NR1H4: variants seen among roughly 807,000 people sequenced by gnomAD.
The protein encoded by NR1H4 is bile acid receptor.
In NR1H4, 23 loss-of-function variants were observed where a neutral mutation model predicts 58.5. That is an observed-to-expected ratio of 0.39 (90% CI 0.28 to 0.56). The LOEUF (loss-of-function observed/expected upper bound fraction) is 0.56. Ranked by LOEUF, NR1H4 falls within the 20% of genes least tolerant of loss-of-function variation. The pLI is 0.58. For missense variants in NR1H4, 487 were observed against 576.9 expected, an observed-to-expected ratio of 0.84 and a Z score of 1.60; for synonymous variants, 214 against 198.0, an observed-to-expected ratio of 1.08 and a Z score of -0.68.
At chr12:100,534,118 G>A (rs1013518371) in intron 5 of NR1H4, among the ~76,000 whole-genome samples, 12 of 150,952 alleles carry the variant, frequency 7.9e-5, no homozygotes, top group African/African-American at 2.2e-4. Flanking sequence ...GGATGGTCTC[G>A]ATCTCCTGAC....
chr12:100,529,676 A>C (rs902981590), intron 4 of NR1H4, among the ~76,000 whole-genome samples: 2 of 152,108 alleles, frequency 1.3e-5, no homozygotes, highest in African/African-American at 4.8e-5. Flanking sequence ...CCATGTTTCT[A>C]AAACCTTACT....
chr12:100,477,318 TA>T (rs1280279667), intron 1 of NR1H4, among the ~76,000 whole-genome samples: 18 of 152,148 alleles, frequency 1.2e-4, no homozygotes, highest in Non-Finnish European at 2.4e-4. Context: ...TTAAGAAATA[TA>T]ACAGGGTTCT....
chr12:100,504,885 C>G (rs1232739973), intron 3 of NR1H4, among the ~76,000 whole-genome samples: 1 of 152,090 alleles, frequency 6.6e-6, no homozygotes, highest in Non-Finnish European at 1.5e-5. Context: ...CCAATAAGTG[C>G]CATAATAGAA....
intron 3 of NR1H4, among the ~76,000 whole-genome samples, 171 bp from the exon 4 acceptor site, chr12:100,510,607 T>TATATA (rs1954081320): frequency 6.7e-5 from 9 of 133,694 alleles, no homozygotes; most frequent in African/African-American, 2.0e-4. Context: ...TCATTTAATT[T>TATATA]TATATATATA....
chr12:100,477,274 C>G (rs1953290855), intron 1 of NR1H4, among the ~76,000 whole-genome samples: 1 of 151,578 alleles, frequency 6.6e-6, no homozygotes, highest in Non-Finnish European at 1.5e-5. Flanking sequence ...AAATATTGCA[C>G]AGGAAAAAAA....
intron 1 of NR1H4, among the ~76,000 whole-genome samples, chr12:100,485,507 A>T (rs1280639603): frequency 2.0e-5 from 3 of 152,072 alleles, no homozygotes; most frequent in African/African-American, 7.2e-5. Context: ...ATATGAATAC[A>T]TCTAGTTCTA....
intron 1 of NR1H4, among the ~76,000 whole-genome samples, chr12:100,488,334 T>C (rs1953539458): frequency 6.6e-6 from 1 of 152,224 alleles, no homozygotes; most frequent in Non-Finnish European, 1.5e-5. Context: ...TGGTGTTCTC[T>C]CTTCCACAAT....
At chr12:100,545,654 A>C (rs1446126571) in intron 9 of NR1H4, among the ~76,000 whole-genome samples, 6 of 146,632 alleles carry the variant, frequency 4.1e-5, no homozygotes, top group Admixed American at 2.7e-4. Context: ...AAAAAAAAAA[A>C]AAAAAAAAAA....
At chr12:100,486,969 C>T (rs1424729949) in intron 1 of NR1H4, among the ~76,000 whole-genome samples, 3 of 152,022 alleles carry the variant, frequency 2.0e-5, no homozygotes, top group African/African-American at 4.8e-5. Context: ...ATACATTCAA[C>T]GTATGAAGAA....
chr12:100,498,342 A>G (rs1322613438), intron 3 of NR1H4, among the ~76,000 whole-genome samples: 1 of 152,226 alleles, frequency 6.6e-6, no homozygotes, highest in Non-Finnish European at 1.5e-5. Flanking sequence ...GAGAGAATCA[A>G]CAATACGTAA....
chr12:100,522,424 T>C (rs1289495028), intron 4 of NR1H4, among the ~76,000 whole-genome samples: 1 of 152,174 alleles, frequency 6.6e-6, no homozygotes, highest in East Asian at 1.9e-4. Flanking sequence ...TTCTTCCCAA[T>C]GGAAAATCCT....
rs561295157 is a variant in NR1H4 at position 100,493,251 on chromosome 12, CTATT to C, written c.-54-13_-54-10del. The C allele has an allele frequency of 5.3e-5, 41 of 776,554 alleles. No homozygotes were observed. The highest frequency in any genetic ancestry group is 8.2e-5 in the Non-Finnish European group (36 of 439,752). 48.1% of individuals were successfully genotyped at this position (776,554 alleles called of 1,614,324 possible). ...CTTCCCGCATTCCCACAGTCACAAA[CTATT>C]TATTTTCCTTTCAGGAGTTTTTTTT... On this transcript the variant is annotated splice_polypyrimidine_tract_variant and intron_variant, in intron 2 of 10. Transcript: ENST00000392986.
rs553931091 is a variant in NR1H4, at chr12:100,513,901, T to G, written c.445+2758T>G. 2.0e-5 allele frequency among the ~76,000 whole-genome samples: 3 copies of G among 151,876 alleles called. No individual in the cohort carries two copies. The East Asian group carries it at 5.8e-4, about 29-fold the overall frequency. ...TAAAGTAGTTTCCAAATGACAAGCC[T>G]TGAACTGGAATTAAAATAAACAAAA... On this transcript the variant is annotated intron_variant, in intron 4 of 10. Coordinates refer to ENST00000392986, the MANE Select transcript of NR1H4 (RefSeq NM_001206979.2).
At chr12:100,540,844 G>T (rs1255400713) in intron 9 of NR1H4, 26 bp downstream of exon 9, 1 of 1,613,110 alleles carries the variant, frequency 6.2e-7, no homozygotes, top group African/African-American at 1.3e-5. Flanking sequence ...AATGGTAAAA[G>T]AGTTTGTTTC....
In NR1H4 at chr12:100,510,445, C is replaced by T. The variant is rs114670774; in HGVS notation, c.80-333C>T. Among the ~76,000 whole-genome samples, 971 of 151,856 alleles carry T rather than the reference C, an allele frequency of 6.4e-3. 11 individuals are homozygous for T. Among genetic ancestry groups the T allele is most frequent in the African/African-American group, 0.022 (914 of 41,444 alleles). ...AGCACATTTTTCTGTTTACAAAACA[C>T]GGTTATATTTCTAACATTGACTATT... On this transcript the variant is annotated intron_variant, in intron 3 of 10. Transcript: ENST00000392986.
intron 3 of NR1H4, among the ~76,000 whole-genome samples, chr12:100,509,193 A>G (rs1230877877): frequency 6.6e-6 from 1 of 152,224 alleles, no homozygotes; most frequent in Non-Finnish European, 1.5e-5. Context: ...TAATTTGCTC[A>G]AAATCCCACT....
chr12:100,542,047 T>G (rs1481701195), intron 9 of NR1H4, among the ~76,000 whole-genome samples: 1 of 152,172 alleles, frequency 6.6e-6, no homozygotes, highest in Non-Finnish European at 1.5e-5. Flanking sequence ...GAAGTCTGAC[T>G]TCAGAAGCTT....
At chr12:100,523,448 G>A (rs1459995500) in intron 4 of NR1H4, among the ~76,000 whole-genome samples, 1 of 152,068 alleles carries the variant, frequency 6.6e-6, no homozygotes, top group African/African-American at 2.4e-5. Flanking sequence ...ATAGATTCTG[G>A]ATACTAGTAC....
chr12:100,478,950 A>T (rs1267083261), intron 1 of NR1H4, among the ~76,000 whole-genome samples: 1 of 152,206 alleles, frequency 6.6e-6, no homozygotes, highest in Non-Finnish European at 1.5e-5. Flanking sequence ...AATGGTATTT[A>T]GTTATAGTAA....
Sources: gnomAD v4.1 joint callset for allele counts (sites outside exome capture counted in the v4.1 genomes callset) on GRCh38, gnomAD v4.1.1 for gene constraint, MANE v1.5 for transcripts, NCBI Gene and HGNC (gene_info 2026-07-23, HGNC 2026-07-21) for gene names.